CCSER1: variants seen among roughly 807,000 people sequenced by gnomAD.
CCSER1 encodes coiled-coil serine rich protein 1, also known as serine-rich coiled-coil domain-containing protein 1.
A neutral mutation model predicts 82.0 loss-of-function variants in CCSER1; 41 were observed. The ratio of observed to expected loss-of-function variants is 0.50; its 90% CI spans 0.39 to 0.65. CCSER1 has a LOEUF of 0.65. Among genes scored for constraint, CCSER1 ranks in the 30% least tolerant of loss-of-function variants. The probability of loss-of-function intolerance (pLI) is 0.00; values close to 1 mark genes in which losing one functional copy is unlikely to be tolerated. For missense variants in CCSER1, 1,119 were observed against 1,064.2 expected (o/e 1.05, Z -0.72); for synonymous variants, 414 against 383.9 (o/e 1.08, Z -0.92).
intron 10 of CCSER1, among the ~76,000 whole-genome samples, chr4:91,540,824 C>T (rs577436605): frequency 2.0e-5 from 3 of 152,176 alleles, no homozygotes; most frequent in Admixed American, 2.0e-4. Context: ...ACTGTATTGC[C>T]TTTGCTTCTT....
chr4:90,448,631 C>T (rs938360204), intron 4 of CCSER1, among the ~76,000 whole-genome samples: 3 of 151,448 alleles, frequency 2.0e-5, no homozygotes, highest in Admixed American at 2.0e-4. Flanking sequence ...GCACTTATGT[C>T]AATAATTTTT....
rs563236790 is a variant in CCSER1 at position 91,173,491 on chromosome 4, G to T, written c.2217+87497G>T. Among the ~76,000 whole-genome samples the T allele has an allele frequency of 2.8e-4, 42 of 151,808 alleles. 1 individual carries two copies. The South Asian group carries it at 8.5e-3, about 31-fold the overall frequency. The stretch of plus-strand genomic sequence containing the variant: ...CGCCTATAGCCCCAGCTACTCAGGA[G>T]GCTGAGGCAGGAGAATTGCTTGAAC... On this transcript the variant is annotated intron_variant, in intron 10 of 10. Coordinates refer to ENST00000509176, the MANE Select transcript of CCSER1 (RefSeq NM_001145065.2).
chr4:91,532,520 A>G (rs1578715202), intron 10 of CCSER1, among the ~76,000 whole-genome samples: 1 of 152,212 alleles, frequency 6.6e-6, no homozygotes, highest in African/African-American at 2.4e-5. Flanking sequence ...AAAGTTAGAT[A>G]AAAGGCAAAG....
chr4:90,641,497 G>C (rs1726508711), intron 6 of CCSER1, among the ~76,000 whole-genome samples: 1 of 152,018 alleles, frequency 6.6e-6, no homozygotes, highest in Non-Finnish European at 1.5e-5. Context: ...TCTTATGTAT[G>C]TGAAATCTTA....
chr4:90,972,193 T>C (rs1019640202), intron 9 of CCSER1, among the ~76,000 whole-genome samples: 7 of 151,744 alleles, frequency 4.6e-5, no homozygotes, highest in Non-Finnish European at 1.0e-4. Flanking sequence ...GAAGAAAAAT[T>C]GTCTCTGTTT....
chr4:90,909,711 G>A (rs1309814073), intron 8 of CCSER1, among the ~76,000 whole-genome samples: 2 of 152,016 alleles, frequency 1.3e-5, no homozygotes, highest in Non-Finnish European at 2.9e-5. Context: ...TTCTTAATTA[G>A]CTTTACCTTA....
chr4:91,120,712 G>T (rs940574316), intron 10 of CCSER1, among the ~76,000 whole-genome samples: 1 of 151,904 alleles, frequency 6.6e-6, no homozygotes, highest in Non-Finnish European at 1.5e-5. Flanking sequence ...ATCCAGGAGG[G>T]AAAATTATCT....
intron 10 of CCSER1, among the ~76,000 whole-genome samples, chr4:91,311,797 T>G (rs1436919069): frequency 6.6e-6 from 1 of 151,922 alleles, no homozygotes; most frequent in Non-Finnish European, 1.5e-5. Flanking sequence ...TTCATTACAA[T>G]TAATCCAGGA....
intron 3 of CCSER1, among the ~76,000 whole-genome samples, chr4:90,398,089 T>A (rs1752291958): frequency 6.6e-6 from 1 of 152,164 alleles, no homozygotes; most frequent in Non-Finnish European, 1.5e-5. Context: ...CCTCTCTCCT[T>A]GGCTTGCAAA....
chr4:91,570,249 G>T (rs1445821532), intron 10 of CCSER1, among the ~76,000 whole-genome samples: 1 of 152,144 alleles, frequency 6.6e-6, no homozygotes, highest in Non-Finnish European at 1.5e-5. Context: ...AGTGCCTTTG[G>T]CTTTTCCAGG....
At chr4:90,391,402 A>G (rs1751026472) in intron 3 of CCSER1, among the ~76,000 whole-genome samples, 1 of 139,182 alleles carries the variant, frequency 7.2e-6, no homozygotes, top group Non-Finnish European at 1.5e-5. Flanking sequence ...GTAGGCTTGT[A>G]TCAAAATATC....
At chr4:91,174,409 G>A (rs890092869) in intron 10 of CCSER1, among the ~76,000 whole-genome samples, 7 of 151,984 alleles carry the variant, frequency 4.6e-5, no homozygotes, top group African/African-American at 1.5e-4. Context: ...CAAAAAACAT[G>A]ACAGAGATTT....
At chr4:90,387,508 C>T (rs1454100588) in intron 3 of CCSER1, among the ~76,000 whole-genome samples, 1 of 152,066 alleles carries the variant, frequency 6.6e-6, no homozygotes, top group Non-Finnish European at 1.5e-5. Flanking sequence ...GGAGGCTGGC[C>T]ACACTTAATA....
chr4:91,091,555 C>G (rs1393067568), intron 10 of CCSER1, among the ~76,000 whole-genome samples: 1 of 152,146 alleles, frequency 6.6e-6, no homozygotes, highest in Non-Finnish European at 1.5e-5. Flanking sequence ...AAATAAGTCC[C>G]ACGACTATTT....
chr4:90,728,609 A>T (rs59745904), intron 7 of CCSER1, among the ~76,000 whole-genome samples: 1 of 151,918 alleles, frequency 6.6e-6, no homozygotes, highest in African/African-American at 2.4e-5. Context: ...CTGAGGCAGG[A>T]GGTTCGCTTG....
chr4:90,903,933 A>G (rs1271599017), intron 8 of CCSER1, among the ~76,000 whole-genome samples: 1 of 152,036 alleles, frequency 6.6e-6, no homozygotes, highest in African/African-American at 2.4e-5. Flanking sequence ...TATAGTTAAA[A>G]TTTTACTATT....
intron 5 of CCSER1, among the ~76,000 whole-genome samples, chr4:90,580,978 A>G (rs1049524130): frequency 6.6e-6 from 1 of 152,170 alleles, no homozygotes; most frequent in Non-Finnish European, 1.5e-5. Flanking sequence ...AGACCTTTTT[A>G]CTTATACTTC....
chr4:90,375,277 G>A (rs1475168249), intron 3 of CCSER1, among the ~76,000 whole-genome samples: 2 of 152,140 alleles, frequency 1.3e-5, no homozygotes, highest in Admixed American at 6.6e-5. Context: ...GCGGTACATC[G>A]GGTCTGTGTT....
At chr4:90,969,937 AC>A (rs1414249934) in intron 9 of CCSER1, among the ~76,000 whole-genome samples, 6 of 151,608 alleles carry the variant, frequency 4.0e-5, no homozygotes, top group African/African-American at 4.9e-5. Context: ...AATAAAAAAA[AC>A]CTCTAGTAAA....
Sources: allele counts gnomAD v4.1 joint callset (sites outside exome capture counted in the v4.1 genomes callset), GRCh38; gene constraint gnomAD v4.1.1; transcripts MANE v1.5; gene names NCBI Gene and HGNC (gene_info 2026-07-23, HGNC 2026-07-21).